The following NUBPL variants were observed in gnomAD, a reference collection of about 807,000 sequenced individuals.
NUBPL encodes iron-sulfur cluster transfer protein NUBPL.
Under a neutral mutation model 45.7 loss-of-function variants are expected in NUBPL, and 31 were observed. That is an observed-to-expected ratio of 0.68 (90% CI 0.51 to 0.92). The LOEUF (loss-of-function observed/expected upper bound fraction) is 0.92. Among genes scored for constraint, NUBPL ranks in the 40% least tolerant of loss-of-function variants. NUBPL has a pLI of 0.00. For synonymous variants in NUBPL, 144 were observed against 140.9 expected, an observed-to-expected ratio of 1.02 and a Z score of -0.15; for missense variants, 401 against 398.7, an observed-to-expected ratio of 1.01 and a Z score of -0.05.
intron 8 of NUBPL, among the ~76,000 whole-genome samples, chr14:31,837,694 A>C (rs1318118790): frequency 6.6e-6 from 1 of 152,226 alleles, no homozygotes; most frequent in African/African-American, 2.4e-5. Context: ...ACAATTCAGT[A>C]AGGGGAAGAA....
At chr14:31,574,253 A>C (rs1296316494) in intron 3 of NUBPL, among the ~76,000 whole-genome samples, 1 of 143,278 alleles carries the variant, frequency 7.0e-6, no homozygotes, top group Non-Finnish European at 1.6e-5. Flanking sequence ...TGCACATCTT[A>C]TGTACTCAAA....
chr14:31,629,067 C>A (rs1343016988), intron 4 of NUBPL, among the ~76,000 whole-genome samples: 1 of 152,108 alleles, frequency 6.6e-6, no homozygotes, highest in Non-Finnish European at 1.5e-5. Context: ...AAAATAATAT[C>A]TTTGTAGAAT....
rs561497176 is a variant in NUBPL, at chr14:31,761,124, A to C, written c.514-26656A>C. Among the ~76,000 whole-genome samples the C allele has an allele frequency of 3.2e-4, 48 of 152,346 alleles. No homozygotes were observed. In the East Asian group the frequency reaches 8.5e-3, roughly 27 times the overall value. On this transcript the variant is annotated intron_variant, in intron 6 of 10. Coordinates refer to ENST00000281081, the MANE Select transcript of NUBPL (RefSeq NM_025152.3). ...GTGAAAAATGTTTTCAGCAGCCACA[A>C]CACCATTAAATGATGTATATAGCCT...
At chr14:31,679,859 G>A (rs189140878) in intron 6 of NUBPL, among the ~76,000 whole-genome samples, 11 of 152,224 alleles carry the variant, frequency 7.2e-5, no homozygotes, top group Non-Finnish European at 1.0e-4. Flanking sequence ...ACAACATTGA[G>A]TCTTCTAATC....
chr14:31,664,979 C>T (rs1308764635), intron 4 of NUBPL, among the ~76,000 whole-genome samples: 1 of 152,128 alleles, frequency 6.6e-6, no homozygotes, highest in Non-Finnish European at 1.5e-5. Flanking sequence ...GGAATTTATG[C>T]ATTTCTTCTA....
At chr14:31,811,166 C>T (rs1043821397) in intron 7 of NUBPL, among the ~76,000 whole-genome samples, 1 of 152,148 alleles carries the variant, frequency 6.6e-6, no homozygotes, top group Non-Finnish European at 1.5e-5. Context: ...TGTTGGCCTG[C>T]CTTGCTGGGC....
chr14:31,770,408 G>A (rs1032913587), intron 6 of NUBPL, among the ~76,000 whole-genome samples: 7 of 152,146 alleles, frequency 4.6e-5, no homozygotes, highest in African/African-American at 1.4e-4. Flanking sequence ...TCTGGGTGGG[G>A]ACTACAGGAA....
chr14:31,694,287 G>C (rs976084987), intron 6 of NUBPL, among the ~76,000 whole-genome samples: 8 of 152,110 alleles, frequency 5.3e-5, no homozygotes, highest in Admixed American at 5.2e-4. Flanking sequence ...TAAAATTATA[G>C]ATTAGTGAAC....
chr14:31,783,798 ATGAGCCACCACACC>A, intron 6 of NUBPL, among the ~76,000 whole-genome samples: 1 of 152,288 alleles, frequency 6.6e-6, no homozygotes, highest in East Asian at 1.9e-4. Flanking sequence ...GATTACAGGC[ATGAGCCACCACACC>A]TGGCCAATAG....
chr14:31,827,831 A>G (rs1178957859), intron 8 of NUBPL, among the ~76,000 whole-genome samples: 3 of 152,226 alleles, frequency 2.0e-5, no homozygotes, highest in Non-Finnish European at 2.9e-5. Flanking sequence ...TATTTGAATG[A>G]ATGGACTTGA....
intron 6 of NUBPL, among the ~76,000 whole-genome samples, chr14:31,718,771 A>G (rs1238416675): frequency 6.6e-6 from 1 of 152,190 alleles, no homozygotes; most frequent in Non-Finnish European, 1.5e-5. Context: ...TGTTAAGTGC[A>G]AAAAGGGACT....
At chr14:31,741,751 T>G (rs928813957) in intron 6 of NUBPL, among the ~76,000 whole-genome samples, 2 of 152,060 alleles carry the variant, frequency 1.3e-5, no homozygotes, top group African/African-American at 4.8e-5. Flanking sequence ...CATTTCTGCT[T>G]GTAGGTTTCT....
At chr14:31,623,615 C>T (rs2035127360) in intron 4 of NUBPL, among the ~76,000 whole-genome samples, 1 of 152,288 alleles carries the variant, frequency 6.6e-6, no homozygotes, top group South Asian at 2.1e-4. Context: ...GTAGGACGTG[C>T]TTTGCTTCCA....
At chr14:31,804,978 T>C (rs1270996645) in intron 7 of NUBPL, among the ~76,000 whole-genome samples, 1 of 151,930 alleles carries the variant, frequency 6.6e-6, no homozygotes, top group Non-Finnish European at 1.5e-5. Flanking sequence ...AAAAATAAAC[T>C]ATCAACAGAG....
intron 6 of NUBPL, among the ~76,000 whole-genome samples, chr14:31,738,117 A>G (rs1252581420): frequency 6.6e-6 from 1 of 152,216 alleles, no homozygotes; most frequent in Non-Finnish European, 1.5e-5. Context: ...GTCACTGCTT[A>G]TATTATAACT....
At chr14:31,629,214 G>C (rs1319068397) in intron 4 of NUBPL, among the ~76,000 whole-genome samples, 1 of 152,096 alleles carries the variant, frequency 6.6e-6, no homozygotes, top group Non-Finnish European at 1.5e-5. Flanking sequence ...AGAATTCTTG[G>C]TTTCTAGGTT....
chr14:31,568,404 A>T (rs888990014), intron 3 of NUBPL, among the ~76,000 whole-genome samples: 1 of 152,248 alleles, frequency 6.6e-6, no homozygotes, highest in Non-Finnish European at 1.5e-5. Context: ...ACGCCCTTCG[A>T]GGCTGAACCA....
At chr14:31,755,415 T>C (rs1051276836) in intron 6 of NUBPL, among the ~76,000 whole-genome samples, 5 of 152,244 alleles carry the variant, frequency 3.3e-5, no homozygotes, top group African/African-American at 1.2e-4. Flanking sequence ...ATGTATCTCA[T>C]TGTGGTTTTG....
intron 6 of NUBPL, chr14:31,686,680 A>G (rs1041752099): frequency 6.6e-6 from 1 of 152,200 alleles, no homozygotes; most frequent in Non-Finnish European, 1.5e-5. Flanking sequence ...AGCATTTGCT[A>G]TTGCTTTTCA....
Sources: gnomAD v4.1 joint callset for allele counts (sites outside exome capture counted in the v4.1 genomes callset) on GRCh38, gnomAD v4.1.1 for gene constraint, MANE v1.5 for transcripts, NCBI Gene and HGNC (gene_info 2026-07-23, HGNC 2026-07-21) for gene names.